IRF3: variants seen among roughly 807,000 people sequenced by gnomAD.
IRF3 encodes the protein interferon regulatory factor 3.
In IRF3, 29 loss-of-function variants were observed where a neutral mutation model predicts 43.2. The ratio of observed to expected loss-of-function variants is 0.67; its 90% confidence interval spans 0.50 to 0.91. The LOEUF (loss-of-function observed/expected upper bound fraction) is 0.91, where lower values mean the gene tolerates loss of function less well. Ranked by LOEUF, IRF3 falls within the 40% of genes least tolerant of loss-of-function variation. The probability of loss-of-function intolerance (pLI) is 0.00; values close to 1 mark genes in which losing one functional copy is unlikely to be tolerated. For missense variants in IRF3, 505 were observed against 559.1 expected, an observed-to-expected ratio of 0.90 and a Z score of 0.98; for synonymous variants, 228 against 233.9, an observed-to-expected ratio of 0.97 and a Z score of 0.23.
chr19:49,661,132 C>T (rs772427879), intron 6 of IRF3: 149 of 408,940 alleles, frequency 3.6e-4, no homozygotes, highest in Non-Finnish European at 5.6e-4. Flanking sequence ...GCATTCAGTC[C>T]TGTCTGAGGC....
chr19:49,659,984 TACACACACACACACAC>T lies in IRF3; in HGVS notation c.1099-167_1099-152del, dbSNP rs5828408. On this transcript the variant is annotated intron_variant, in intron 7 of 7. Coordinates refer to ENST00000377139, the MANE Select transcript of IRF3 (RefSeq NM_001571.6). ...CTAGGGCTGCTGGGAGTTGTAGTTT[TACACACACACACACAC>T]ACACACACACACACACACACACACA... is the stretch of plus-strand genomic sequence containing the variant. 6.0e-3 allele frequency: 1,959 copies of T among 323,958 alleles called. 22 individuals are homozygous for T. The highest frequency in any genetic ancestry group is 6.6e-3 in the Middle Eastern group (8 of 1,214). 20.1% of individuals were successfully genotyped at this position (323,958 alleles called of 1,614,324 possible). A position where few individuals can be genotyped will look rare whatever the true frequency, so the allele number is the denominator to read the frequency against.
rs2081186221 is a variant in IRF3, at chr19:49,659,593, T to C, written c.*55A>G. Reference sequence around the variant, plus strand: ...GTGATCATAGCAGGAACCAGTTTATTGGTTGAGGTGGTGGGGAACAGGGGG... The same window carrying C: ...GTGATCATAGCAGGAACCAGTTTATCGGTTGAGGTGGTGGGGAACAGGGGG... On this transcript the variant is annotated 3_prime_UTR_variant, in exon 8 of 8. Coordinates refer to ENST00000377139, the MANE Select transcript of IRF3 (RefSeq NM_001571.6). 3.8e-6 allele frequency: 6 copies of C among 1,564,876 alleles called. No individual in the cohort carries two copies. The highest frequency in any genetic ancestry group is 5.2e-6 in the Non-Finnish European group (6 of 1,154,670).
Position 49,660,709 on chromosome 19 carries a change from G to T in IRF3, c.1098+4C>A. 6.3e-7 allele frequency: 1 copy of T among 1,587,692 alleles called. No individual in the cohort carries two copies. Among genetic ancestry groups the T allele is most frequent in the South Asian group, 1.2e-5 (1 of 86,768 alleles). ...CAGCCCCAGGGACTCAGGTCTGCAG[G>T]CACCTTGACCATCACGAGCCTCTTG... On this transcript the variant is annotated splice_donor_region_variant and intron_variant, in intron 7 of 7. Coordinates refer to ENST00000377139, the MANE Select transcript of IRF3 (RefSeq NM_001571.6).
Position 49,662,544 on chromosome 19 carries a change from G to C in IRF3, c.482C>G (p.Ala161Gly). The change falls in exon 5 of 8, where the codon GCT (alanine) becomes GGT (glycine). Residue 161 changes from alanine to glycine, a missense_variant. Coordinates refer to ENST00000377139, the MANE Select transcript of IRF3 (RefSeq NM_001571.6). Reference protein sequence around the residue: ...PLPDPGPPSLAVAPEPCPQPL... With the variant: ...PLPDPGPPSLGVAPEPCPQPL... Reference sequence around the variant, plus strand: ...CTGAGGGCAGGGCTCAGGGGCTACAGCCAGGCTTGGGGGTCCCGGATCTGG... The same window carrying C: ...CTGAGGGCAGGGCTCAGGGGCTACACCCAGGCTTGGGGGTCCCGGATCTGG... 6.5e-7 allele frequency: 1 copy of C among 1,533,258 alleles called. No individual in the cohort carries two copies. The highest frequency in any genetic ancestry group is 8.7e-7 in the Non-Finnish European group (1 of 1,144,466). The allele number at this position is 1,533,258 out of a possible 1,614,324, so 95.0% of individuals were successfully genotyped here. A position where few individuals can be genotyped will look rare whatever the true frequency, so the allele number is the denominator to read the frequency against.
intron 3 of IRF3, 42 bp downstream of exon 3, chr19:49,663,301 C>G: frequency 6.2e-7 from 1 of 1,614,114 alleles, no homozygotes; most frequent in Non-Finnish European, 8.5e-7. Context: ...GCCAGGAACC[C>G]TTGGGGCCCC....
At position 49,665,823 on chromosome 19, in the gene IRF3, G is replaced by A; in HGVS notation, c.-201C>T. The A allele has an allele frequency of 6.3e-7, 1 of 1,587,608 alleles. No homozygotes were observed. ...TCTTTGGGTAACAGACCCAAAAGCC[G>A]ATGGGACGGCCCGCTGGGCTGTTCC... is the stretch of plus-strand genomic sequence containing the variant. On this transcript the variant is annotated 5_prime_UTR_variant, in exon 1 of 8. Coordinates refer to ENST00000377139, the MANE Select transcript of IRF3 (RefSeq NM_001571.6).
At chr19:49,663,631 C>G in intron 2 of IRF3, 117 bp from the exon 3 acceptor site, 1 of 954,632 alleles carries the variant, frequency 1.0e-6, no homozygotes, top group Admixed American at 2.6e-5. Flanking sequence ...AGTTCTAACT[C>G]TGCAAGGTCC....
In IRF3 at chr19:49,662,098, C is replaced by T. The variant is rs748503863; in HGVS notation, c.832G>A (p.Gly278Arg). ...LGGGLALWRA[G>R]QWLWAQRLGH... is the part of the protein sequence containing the mutation. ...AGCCGCTGGGCCCAGAGCCACTGCC[C>T]GGCCCGCCAGAGAGCCAGTCCCCCA... Residue 278 changes from glycine to arginine, a missense_variant, in exon 6 of 8, where the codon GGG (glycine) becomes AGG (arginine). By Grantham distance (125) the Gly-to-Arg change is moderately radical (BLOSUM62 -2). Transcript: ENST00000377139. The T allele has an allele frequency of 4.0e-5, 64 of 1,613,600 alleles. No homozygotes were observed. Among genetic ancestry groups the T allele is most frequent in the African/African-American group, 1.1e-4 (8 of 74,944 alleles).
At position 49,661,025 on chromosome 19, in the gene IRF3, C is replaced by G. The variant is rs918577683; in HGVS notation, c.983-197G>C. 6.5e-6 allele frequency: 4 copies of G among 613,600 alleles called. No individual in the cohort carries two copies. In the African/African-American group the frequency reaches 7.5e-5, roughly 12 times the overall value. 38.0% of individuals were successfully genotyped at this position (613,600 alleles called of 1,614,324 possible). Reference sequence around the variant, plus strand: ...CATCAGGGTGGGGTTGTTGGAAGGCCACACCCCCAAGCCCCCAAGCCTCAG... The same window carrying G: ...CATCAGGGTGGGGTTGTTGGAAGGCGACACCCCCAAGCCCCCAAGCCTCAG... On this transcript the variant is annotated intron_variant, in intron 6 of 7. Coordinates refer to ENST00000377139, the MANE Select transcript of IRF3 (RefSeq NM_001571.6).
rs1555753041 is a variant in IRF3 at position 49,659,994 on chromosome 19, C to CACACATAT, written c.1099-162_1099-161insATATGTGT. On this transcript the variant is annotated intron_variant, in intron 7 of 7. Transcript: ENST00000377139. ...TGGGAGTTGTAGTTTTACACACACA[C>CACACATAT]ACACACACACACACACACACACACA... 6.1e-4 allele frequency among the ~76,000 whole-genome samples: 61 copies of CACACATAT among 99,260 alleles called. 2 individuals carry two copies. The East Asian group carries it at 0.014, about 22-fold the overall frequency. The allele number at this position is 99,260 out of a possible 152,430, so 65.1% of individuals were successfully genotyped here. A position where few individuals can be genotyped will look rare whatever the true frequency, so the allele number is the denominator to read the frequency against.
chr19:49,660,664 C>G lies in IRF3; in HGVS notation c.1098+49G>C, dbSNP rs965053508. The G allele has an allele frequency of 2.0e-6, 3 of 1,489,434 alleles. No individual in the cohort carries two copies. The Middle Eastern group carries it at 5.9e-4, about 292-fold the overall frequency. The allele number at this position is 1,489,434 out of a possible 1,614,324, so 92.3% of individuals were successfully genotyped here. A position where few individuals can be genotyped will look rare whatever the true frequency, so the allele number is the denominator to read the frequency against. ...GGAGTTCCTGGGAGCAACCTCTTCC[C>G]TCTGTAAGGCCACCCCTTTCAGCCC... On this transcript the variant is annotated intron_variant, in intron 7 of 7. Coordinates refer to ENST00000377139, the MANE Select transcript of IRF3 (RefSeq NM_001571.6).
chr19:49,665,587 G>T, intron 1 of IRF3, 44 bp downstream of exon 1: 1 of 522,586 alleles, frequency 1.9e-6, no homozygotes, highest in Non-Finnish European at 3.4e-6. Flanking sequence ...CCCGCTCCTC[G>T]CTCTCGGACG....
chr19:49,664,466 T>C, intron 2 of IRF3: 1 of 1,529,330 alleles, frequency 6.5e-7, no homozygotes. Flanking sequence ...TTTATTCCCG[T>C]AACCCTGCAG....
rs2081581993 is a variant in IRF3, at chr19:49,664,819, C to T, written c.20G>A (p.Arg7Gln). ...CTGCGACACCAGCCAGGGCAGGATC[C>T]GTGGCTTTGGGGTTCCCATGGTCCG... MGTPKP[R>Q]ILPWLVSQLD... Residue 7 changes from arginine to glutamine, a missense_variant, in exon 2 of 8, where the codon CGG (arginine) becomes CAG (glutamine). Transcript: ENST00000377139. 1 of 1,613,310 alleles carries T rather than the reference C, an allele frequency of 6.2e-7. No homozygotes were observed. Among genetic ancestry groups the T allele is most frequent in the African/African-American group, 1.3e-5 (1 of 75,034 alleles).
intron 4 of IRF3, 120 bp downstream of exon 4, chr19:49,663,068 C>T: frequency 1.1e-6 from 1 of 902,594 alleles, no homozygotes; most frequent in Non-Finnish European, 1.8e-6. Context: ...AGGGTCAGCA[C>T]TGGCTCAGGT....
chr19:49,662,556 G>A lies in IRF3; in HGVS notation c.470C>T (p.Pro157Leu). ...CTCAGGGGCTACAGCCAGGCTTGGGGGTCCCGGATCTGGGAGTGGGGCCAA... is the reference window on the plus strand; with the variant it reads ...CTCAGGGGCTACAGCCAGGCTTGGGAGTCCCGGATCTGGGAGTGGGGCCAA... ...MVLAPLPDPGPPSLAVAPEPC... is the reference protein window; with the variant it reads ...MVLAPLPDPGLPSLAVAPEPC... Residue 157 changes from proline to leucine, a missense_variant, in exon 5 of 8, where the codon CCC becomes CTC. By Grantham distance (98) the Pro-to-Leu change is moderately conservative (BLOSUM62 -3). Coordinates refer to ENST00000377139, the MANE Select transcript of IRF3 (RefSeq NM_001571.6). 1 of 1,529,774 alleles carries A rather than the reference G, an allele frequency of 6.5e-7. No individual in the cohort carries two copies. The highest frequency in any genetic ancestry group is 8.7e-7 in the Non-Finnish European group (1 of 1,142,966). The allele number at this position is 1,529,774 out of a possible 1,614,324, so 94.8% of individuals were successfully genotyped here.
chr19:49,665,033 A>G lies in IRF3; in HGVS notation c.-8-187T>C, dbSNP rs565405792. 3.9e-4 allele frequency: 246 copies of G among 630,186 alleles called. No homozygotes were observed. In the African/African-American group the frequency reaches 4.3e-3, roughly 11 times the overall value. The allele number at this position is 630,186 out of a possible 1,614,324, so 39.0% of individuals were successfully genotyped here. A position where few individuals can be genotyped will look rare whatever the true frequency, so the allele number is the denominator to read the frequency against. ...CTCCCGAGAGGCTCTCTAATCAGCT[A>G]GGGTTCCTTCCCATATCCATGGCAC... On this transcript the variant is annotated intron_variant, in intron 1 of 7. Coordinates refer to ENST00000377139, the MANE Select transcript of IRF3 (RefSeq NM_001571.6).
chr19:49,664,891 AC>A, intron 1 of IRF3, 45 bp from the exon 2 acceptor site: 1 of 1,572,582 alleles, frequency 6.4e-7, no homozygotes, highest in South Asian at 1.1e-5. Flanking sequence ...CCTCCCCCGG[AC>A]CCACCTGGCC....
rs1325444175 is a variant in IRF3, at chr19:49,664,749, G to C, written c.90C>G (p.Ser30Arg). The C allele has an allele frequency of 6.2e-7, 1 of 1,614,062 alleles. No individual in the cohort carries two copies. Among genetic ancestry groups the C allele is most frequent in the Admixed American group, 1.7e-5 (1 of 60,030 alleles). The change falls in exon 2 of 8, where the codon AGC (serine) becomes AGG (arginine). Residue 30 changes from serine (S) to arginine (R), a missense_variant. Ser to Arg is a moderately radical substitution (Grantham distance 110). Transcript: ENST00000377139. ...QLEGVAWVNK[S>R]RTRFRIPWKH... is the part of the protein sequence containing the mutation. ...TCCAAGGGATGCGGAAGCGCGTGCG[G>C]CTCTTGTTCACCCAGGCCACGCCCT...
Sources: gnomAD v4.1 joint callset for allele counts (sites outside exome capture counted in the v4.1 genomes callset) on GRCh38, gnomAD v4.1.1 for gene constraint, MANE v1.5 for transcripts, NCBI Gene and HGNC (gene_info 2026-07-23, HGNC 2026-07-21) for gene names.